Variants in EPHA5 observed in about 807,000 individuals in gnomAD.
EPHA5 encodes EPH receptor A5, also known as ephrin type-A receptor 5.
In EPHA5, 60 loss-of-function variants were observed where a neutral mutation model predicts 105.0. That is an observed-to-expected ratio of 0.57 (90% confidence interval 0.46 to 0.71). EPHA5 has a LOEUF of 0.71. Among genes scored for constraint, EPHA5 ranks in the 30% least tolerant of loss-of-function variants. The pLI is 0.00. For synonymous variants in EPHA5, 513 were observed against 449.1 expected (o/e 1.14, Z -1.80); for missense variants, 1,218 against 1,274.7 (o/e 0.96, Z 0.68).
intron 7 of EPHA5, among the ~76,000 whole-genome samples, chr4:65,407,618 AAAGC>A (rs1471988282): frequency 2.0e-5 from 3 of 151,808 alleles, no homozygotes; most frequent in South Asian, 2.1e-4. Context: ...TTTTGTATAA[AAAGC>A]AATCAGAGCC....
At chr4:65,477,076 G>A (rs899263912) in intron 5 of EPHA5, among the ~76,000 whole-genome samples, 3 of 152,146 alleles carry the variant, frequency 2.0e-5, no homozygotes, top group Non-Finnish European at 4.4e-5. Flanking sequence ...GGTAAGAACT[G>A]TTGTGCTCCT....
intron 8 of EPHA5, among the ~76,000 whole-genome samples, chr4:65,372,631 T>C (rs1328078407): frequency 6.6e-6 from 1 of 151,858 alleles, no homozygotes; most frequent in East Asian, 1.9e-4. Flanking sequence ...CGTACTTCAT[T>C]GAATATGGGA....
At chr4:65,407,854 C>T (rs908255546) in intron 7 of EPHA5, among the ~76,000 whole-genome samples, 3 of 152,016 alleles carry the variant, frequency 2.0e-5, no homozygotes, top group South Asian at 2.1e-4. Context: ...TGCCAGGGCT[C>T]ATGTGATCCT....
chr4:65,500,291 C>T (rs1253143760), intron 3 of EPHA5, among the ~76,000 whole-genome samples: 4 of 151,110 alleles, frequency 2.6e-5, no homozygotes, highest in Non-Finnish European at 5.9e-5. Flanking sequence ...AAAAAATGCA[C>T]CCATATTGAC....
intron 3 of EPHA5, among the ~76,000 whole-genome samples, chr4:65,560,323 G>A (rs541809510): frequency 6.6e-6 from 1 of 152,036 alleles, no homozygotes; most frequent in Non-Finnish European, 1.5e-5. Flanking sequence ...AAAAAATTTA[G>A]TATTGTAATT....
chr4:65,349,096 G>A (rs565478571), intron 13 of EPHA5, among the ~76,000 whole-genome samples: 2 of 151,794 alleles, frequency 1.3e-5, no homozygotes, highest in South Asian at 4.2e-4. Context: ...GATTACAGGC[G>A]TGAGCTACTG....
intron 3 of EPHA5, among the ~76,000 whole-genome samples, chr4:65,575,267 T>G (rs1740777270): frequency 6.7e-6 from 1 of 149,484 alleles, no homozygotes; most frequent in Non-Finnish European, 1.5e-5. Context: ...CCTTGGATGG[T>G]CAGCTACCCA....
rs553338037 is a variant in EPHA5, at chr4:65,520,572, C to T, written c.911-25029G>A. Reference sequence around the variant, plus strand: ...AGCTTCTGCACAGCAAAAGAAACTACCATCAGAGTGAACAGGCAACCTACA... The same window carrying T: ...AGCTTCTGCACAGCAAAAGAAACTATCATCAGAGTGAACAGGCAACCTACA... On this transcript the variant is annotated intron_variant, in intron 3 of 16. Coordinates refer to ENST00000613740, the MANE Select transcript of EPHA5 (RefSeq NM_001281766.3). Among the ~76,000 whole-genome samples, 40 of 152,150 alleles carry T rather than the reference C, an allele frequency of 2.6e-4. 1 individual carries two copies. In the South Asian group the frequency reaches 7.9e-3, roughly 30 times the overall value.
intron 5 of EPHA5, among the ~76,000 whole-genome samples, chr4:65,426,689 T>C (rs907987344): frequency 2.6e-5 from 4 of 152,146 alleles, no homozygotes; most frequent in Admixed American, 6.6e-5. Flanking sequence ...TACTTTATAG[T>C]TTTTAAGTCG....
intron 1 of EPHA5, among the ~76,000 whole-genome samples, chr4:65,667,130 A>C (rs767287400): frequency 6.6e-6 from 1 of 152,132 alleles, no homozygotes; most frequent in African/African-American, 2.4e-5. Flanking sequence ...CCAGAAGCAA[A>C]CAAACAAATT....
intron 3 of EPHA5, among the ~76,000 whole-genome samples, chr4:65,562,876 C>T (rs7676955): frequency 0.3 from 45,137 of 151,752 alleles, 7,326 homozygotes; most frequent in East Asian, 0.44. Context: ...AATTGGTAAA[C>T]TGAGGCGGGA....
intron 3 of EPHA5, among the ~76,000 whole-genome samples, chr4:65,525,177 G>A (rs914000123): frequency 1.3e-5 from 2 of 151,454 alleles, no homozygotes; most frequent in African/African-American, 4.8e-5. Context: ...CTATTAACTA[G>A]TTATCTCTTT....
intron 3 of EPHA5, among the ~76,000 whole-genome samples, chr4:65,575,813 C>T (rs1461693019): frequency 6.6e-6 from 1 of 151,376 alleles, no homozygotes; most frequent in African/African-American, 2.4e-5. Flanking sequence ...CCTGTCTCTA[C>T]TAAAAATACA....
At chr4:65,467,840 G>T (rs1489720901) in intron 5 of EPHA5, among the ~76,000 whole-genome samples, 1 of 152,156 alleles carries the variant, frequency 6.6e-6, no homozygotes, top group East Asian at 1.9e-4. Flanking sequence ...AGGGTAAAAA[G>T]AAGTGAAGAG....
chr4:65,509,337 C>A (rs996851251), intron 3 of EPHA5, among the ~76,000 whole-genome samples: 3 of 151,984 alleles, frequency 2.0e-5, no homozygotes, highest in Admixed American at 2.0e-4. Context: ...AACTGTTCGA[C>A]CTGTTTGATA....
chr4:65,337,424 C>T (rs1721289050), intron 14 of EPHA5, among the ~76,000 whole-genome samples: 1 of 152,080 alleles, frequency 6.6e-6, no homozygotes, highest in Non-Finnish European at 1.5e-5. Flanking sequence ...TACCCTTCTA[C>T]TTCCATAAAC....
intron 3 of EPHA5, among the ~76,000 whole-genome samples, chr4:65,526,110 T>A (rs567194972): frequency 6.6e-6 from 1 of 151,892 alleles, no homozygotes; most frequent in East Asian, 1.9e-4. Context: ...ATATCAAATA[T>A]TGTTTTCAAT....
chr4:65,626,379 TA>T (rs1291496640), intron 2 of EPHA5, among the ~76,000 whole-genome samples: 1 of 152,288 alleles, frequency 6.6e-6, no homozygotes, highest in Middle Eastern at 3.4e-3. Flanking sequence ...TCAGAGTCTA[TA>T]AAAAATATTG....
chr4:65,642,583 G>A (rs898767349), intron 2 of EPHA5, among the ~76,000 whole-genome samples: 6 of 151,886 alleles, frequency 4.0e-5, no homozygotes, highest in Non-Finnish European at 4.4e-5. Context: ...CCACTGAGAT[G>A]AGGATGTTAA....
Sources: allele counts gnomAD v4.1 joint callset (sites outside exome capture counted in the v4.1 genomes callset), GRCh38; gene constraint gnomAD v4.1.1; transcripts MANE v1.5; gene names NCBI Gene and HGNC (gene_info 2026-07-23, HGNC 2026-07-21).